The following SSC5D variants were observed in gnomAD, a reference collection of about 807,000 sequenced individuals.
SSC5D encodes the protein scavenger receptor cysteine rich family member with 5 domains.
In SSC5D, 106 loss-of-function variants were observed where a neutral mutation model predicts 104.6. That is an observed-to-expected ratio of 1.01 (90% CI 0.87 to 1.19). The LOEUF (loss-of-function observed/expected upper bound fraction) is 1.19, where lower values mean the gene tolerates loss of function less well. SSC5D is among the 50% of genes most tolerant of loss of function. The pLI, the probability that SSC5D is intolerant of heterozygous loss-of-function variation, is 0.00. For missense variants in SSC5D, 1,993 were observed against 2,153.8 expected (o/e 0.93, Z 1.48); for synonymous variants, 860 against 883.5 (o/e 0.97, Z 0.47).
intron 6 of SSC5D, chr19:55,491,716 C>A (rs1486858944): frequency 6.6e-6 from 1 of 152,486 alleles, no homozygotes; most frequent in African/African-American, 2.4e-5. Context: ...TAGAACCCAG[C>A]AAACAGCGGT....
Position 55,518,727 on chromosome 19 carries a change from C to T in SSC5D, c.4451C>T (p.Ala1484Val), listed in dbSNP as rs1361185953. ...CCAACACCACCTGTAAGGGTCATGGCTTGTGAGCCACCTGCCCTGGTGGAG... is the reference window on the plus strand; with the variant it reads ...CCAACACCACCTGTAAGGGTCATGGTTTGTGAGCCACCTGCCCTGGTGGAG... ...VAPTPPVRVM[A>V]CEPPALVELV... Residue 1484 changes from alanine (A) to valine (V), a missense_variant, in exon 14 of 14, where the codon GCT becomes GTT. Transcript: ENST00000389623. 6.4e-6 allele frequency: 10 copies of T among 1,550,906 alleles called. No homozygotes were observed. The highest frequency in any genetic ancestry group is 8.7e-6 in the Non-Finnish European group (10 of 1,146,954).
intron 1 of SSC5D, 44 bp from the exon 2 acceptor site, chr19:55,488,962 C>A: frequency 6.7e-7 from 1 of 1,485,574 alleles, no homozygotes; most frequent in Non-Finnish European, 9.1e-7. Flanking sequence ...GGGCCACCCC[C>A]GGCCTGCCCC....
At chr19:55,490,738 T>G (rs1292527466) in intron 5 of SSC5D, 34 bp from the exon 6 acceptor site, 2 of 1,451,574 alleles carry the variant, frequency 1.4e-6, no homozygotes, top group East Asian at 5.0e-5. Flanking sequence ...CATTTCTCAC[T>G]GGCCACACCG....
At chr19:55,517,182 G>C in intron 13 of SSC5D, 42 bp from the exon 14 acceptor site, 1 of 1,494,466 alleles carries the variant, frequency 6.7e-7, no homozygotes, top group Admixed American at 2.1e-5. Context: ...GGGCGGAGCC[G>C]GTTGACCTCA....
chr19:55,498,569 A>C (rs973897515), intron 9 of SSC5D, among the ~76,000 whole-genome samples: 1 of 152,222 alleles, frequency 6.6e-6, no homozygotes, highest in Non-Finnish European at 1.5e-5. Flanking sequence ...CAGGCAGGGC[A>C]CTGGGAGATG....
chr19:55,509,402 G>A (rs991961682), intron 12 of SSC5D, among the ~76,000 whole-genome samples: 3 of 152,100 alleles, frequency 2.0e-5, no homozygotes, highest in African/African-American at 7.2e-5. Flanking sequence ...AAGGACATGG[G>A]CACAAAGAGT....
rs769947846 is a variant in SSC5D, at chr19:55,501,029, C to T, written c.2618-5C>T. 3 of 1,551,742 alleles carry T rather than the reference C, an allele frequency of 1.9e-6. No homozygotes were observed. Among genetic ancestry groups the T allele is most frequent in the Non-Finnish European group, 2.6e-6 (3 of 1,146,992 alleles). ...GGGTCAACCATTACCCCAATTTCTC[C>T]AAAGGCTACACAGACTATGACGATT... On this transcript the variant is annotated splice_polypyrimidine_tract_variant and splice_region_variant and intron_variant, in intron 11 of 13. Coordinates refer to ENST00000389623, the MANE Select transcript of SSC5D (RefSeq NM_001144950.2).
At chr19:55,515,992 T>C (rs976228236) in intron 13 of SSC5D, among the ~76,000 whole-genome samples, 2 of 152,170 alleles carry the variant, frequency 1.3e-5, no homozygotes, top group Non-Finnish European at 2.9e-5. Context: ...CCTCTTGCCC[T>C]AATTTCCCCC....
At position 55,500,415 on chromosome 19, in the gene SSC5D, G is replaced by A; in HGVS notation, c.2302+3G>A. The A allele has an allele frequency of 6.5e-7, 1 of 1,549,960 alleles. No homozygotes were observed. Among genetic ancestry groups the A allele is most frequent in the Non-Finnish European group, 8.7e-7 (1 of 1,145,782 alleles). ...TGTTAGCACCACTGGGGAATCAGGT[G>A]AGTGGCCGTGAGGGGTGTGGGGAGA... is the stretch of plus-strand genomic sequence containing the variant. On this transcript the variant is annotated splice_donor_region_variant and intron_variant, in intron 10 of 13. Coordinates refer to ENST00000389623, the MANE Select transcript of SSC5D (RefSeq NM_001144950.2). This position sits in a 1 kb window ranked among gnomAD's most constrained non-coding sequence, Gnocchi z 4.6.
At chr19:55,507,522 C>T (rs1008644557) in intron 12 of SSC5D, among the ~76,000 whole-genome samples, 3 of 150,614 alleles carry the variant, frequency 2.0e-5, no homozygotes, top group Admixed American at 6.6e-5. Context: ...AACAATTAGC[C>T]GGGTGTGGTG....
At chr19:55,515,332 A>G (rs1316031990) in intron 13 of SSC5D, among the ~76,000 whole-genome samples, 2 of 141,722 alleles carry the variant, frequency 1.4e-5, no homozygotes, top group Non-Finnish European at 3.0e-5. Context: ...GGAGGCGGAG[A>G]TTGCAGCGAG....
In SSC5D at chr19:55,517,780, C is replaced by T. The variant is rs1454677489; in HGVS notation, c.3504C>T (p.Asn1168=). 4.4e-6 allele frequency: 6 copies of T among 1,362,890 alleles called. No homozygotes were observed. Among genetic ancestry groups the T allele is most frequent in the Admixed American group, 4.5e-5 (2 of 43,972 alleles). The allele number at this position is 1,362,890 out of a possible 1,614,324, so 84.4% of individuals were successfully genotyped here. Residue 1168 remains asparagine (N), a synonymous_variant, in exon 14 of 14, where the codon AAC becomes AAT. Transcript: ENST00000389623. ...CCCCTGACCCCATCACAACCCTTAA[C>T]CCTACTGTGACCCCTCACTTCCCTA... ...TMAPDPITTL[N]PTVTPHFPTT...
chr19:55,489,804 A>G, intron 3 of SSC5D, 78 bp from the exon 4 acceptor site: 3 of 1,484,334 alleles, frequency 2.0e-6, no homozygotes, highest in Non-Finnish European at 2.8e-6. Context: ...CAGGTGGCTA[A>G]CTCCCTCTTC....
Position 55,494,630 on chromosome 19 carries a change from C to T in SSC5D, c.1234C>T (p.Pro412Ser). 1.3e-6 allele frequency: 2 copies of T among 1,541,056 alleles called. No individual in the cohort carries two copies. The highest frequency in any genetic ancestry group is 2.5e-5 in the East Asian group (1 of 40,210). The change falls in exon 8 of 14, where the codon CCT becomes TCT. Residue 412 changes from proline to serine, a missense_variant. Around this residue, in one of 6 missense-constraint regions of SSC5D, gnomAD observed 1,101 missense variants for 1,085.0 expected, o/e 1.01. Coordinates refer to ENST00000389623, the MANE Select transcript of SSC5D (RefSeq NM_001144950.2). ...CACAGGCATGCCCCTGGGCTACGTC[C>T]CTCCCACGGCCCCCACGGACAGCAA... ...VCDGMPLGYV[P>S]PTAPTDSNNS...
At chr19:55,514,612 AAAGAG>A (rs1387386180) in intron 13 of SSC5D, among the ~76,000 whole-genome samples, 2 of 150,348 alleles carry the variant, frequency 1.3e-5, no homozygotes, top group African/African-American at 4.9e-5. Context: ...AAAAAAAAAA[AAAGAG>A]AGAGAGAGAA....
intron 13 of SSC5D, 128 bp downstream of exon 13, chr19:55,513,300 G>C: frequency 9.8e-7 from 1 of 1,016,436 alleles, no homozygotes; most frequent in Non-Finnish European, 1.4e-6. Flanking sequence ...TAAAACAAAG[G>C]GTTATCGGCT....
intron 12 of SSC5D, among the ~76,000 whole-genome samples, chr19:55,511,358 A>T (rs1436949641): frequency 1.3e-5 from 2 of 152,176 alleles, no homozygotes; most frequent in Non-Finnish European, 2.9e-5. Flanking sequence ...CAACTTGCCC[A>T]AGGTCTTGGA....
At chr19:55,515,842 G>A (rs577840992) in intron 13 of SSC5D, among the ~76,000 whole-genome samples, 68 of 152,306 alleles carry the variant, frequency 4.5e-4, no homozygotes, top group African/African-American at 1.6e-3. Context: ...TACTGTATTG[G>A]CACGGTAGAT....
rs369074820 is a variant in SSC5D at position 55,490,486 on chromosome 19, G to T, written c.586+78G>T. ...GGGCCCAGAAAAACTGAGGACCTGC[G>T]GGCGCCCTCTCCTTAGCCGGGGCCC... On this transcript the variant is annotated intron_variant, in intron 5 of 13. Transcript: ENST00000389623. 3 of 623,566 alleles carry T rather than the reference G, an allele frequency of 4.8e-6. No individual in the cohort carries two copies. In the African/African-American group the frequency reaches 5.8e-5, roughly 12 times the overall value. The allele number at this position is 623,566 out of a possible 1,614,324, so 38.6% of individuals were successfully genotyped here.
Sources: gnomAD v4.1 joint callset for allele counts (sites outside exome capture counted in the v4.1 genomes callset) on GRCh38, gnomAD v4.1.1 for gene constraint, gnomAD v4.1.1 regional missense constraint, Gnocchi (gnomAD v3.1) non-coding constraint, MANE v1.5 for transcripts, NCBI Gene and HGNC (gene_info 2026-07-23, HGNC 2026-07-21) for gene names.